The following ANKH variants were observed in gnomAD, a reference collection of about 807,000 sequenced individuals.
ANKH encodes the protein mineralization regulator ANKH.
Under a neutral mutation model 49.0 loss-of-function variants are expected in ANKH, and 15 were observed. The ratio of observed to expected loss-of-function variants is 0.31; its 90% CI spans 0.20 to 0.47. The LOEUF (loss-of-function observed/expected upper bound fraction) is 0.47. Ranked by LOEUF, ANKH falls within the 20% of genes least tolerant of loss-of-function variation. The pLI is 1.00. For synonymous variants in ANKH, 273 were observed against 260.0 expected (o/e 1.05, Z -0.48); for missense variants, 429 against 652.0 (o/e 0.66, Z 3.72).
chr5:14,833,428 A>G (rs1307262600), intron 1 of ANKH, among the ~76,000 whole-genome samples: 4 of 152,166 alleles, frequency 2.6e-5, no homozygotes, highest in Admixed American at 6.5e-5. Flanking sequence ...TTAGTCTCCT[A>G]CCCTGCAGAG....
rs1345430802 is a variant in ANKH at position 14,737,874 on chromosome 5, A to T, written c.1011+3953T>A. Among the ~76,000 whole-genome samples the T allele has an allele frequency of 6.6e-6, 1 of 152,196 alleles. No homozygotes were observed. The highest frequency in any genetic ancestry group is 1.5e-5 in the Non-Finnish European group (1 of 68,040). On this transcript the variant is annotated intron_variant, in intron 8 of 11. Coordinates refer to ENST00000284268, the MANE Select transcript of ANKH (RefSeq NM_054027.6). This position sits in a 1 kb window ranked among gnomAD's most constrained non-coding sequence, Gnocchi z 5.0. ...TACTGTTTTGAAGCCAATCTTTTGG[A>T]TCAACTAAAGGTACCCCCTTTCTCA...
intron 1 of ANKH, among the ~76,000 whole-genome samples, chr5:14,817,803 G>C (rs1412944892): frequency 6.6e-6 from 1 of 152,190 alleles, no homozygotes; most frequent in Admixed American, 6.5e-5. Flanking sequence ...CTATAAGAGA[G>C]GGTTAACAAT....
intron 1 of ANKH, among the ~76,000 whole-genome samples, chr5:14,858,726 T>C (rs1444312222): frequency 1.1e-5 from 1 of 93,202 alleles, no homozygotes; most frequent in Non-Finnish European, 2.2e-5. Context: ...AATAAATAAA[T>C]AAATAAATAA....
rs181016994 is a variant in ANKH at position 14,846,900 on chromosome 5, C to T, written c.96+24452G>A. ...TTATGCACCTGTAGTCCCAGCTACT[C>T]GGGAGGCTGAGGCAGGAGAATTGCT... On this transcript the variant is annotated intron_variant, in intron 1 of 11. Coordinates refer to ENST00000284268, the MANE Select transcript of ANKH (RefSeq NM_054027.6). 1.8e-4 allele frequency among the ~76,000 whole-genome samples: 27 copies of T among 150,466 alleles called. No individual in the cohort carries two copies. The East Asian group carries it at 5.0e-3, about 28-fold the overall frequency.
At chr5:14,772,096 C>A (rs1739465599) in intron 1 of ANKH, among the ~76,000 whole-genome samples, 1 of 151,958 alleles carries the variant, frequency 6.6e-6, no homozygotes, top group African/African-American at 2.4e-5. Flanking sequence ...TGTTACACTT[C>A]AAGTTATTCC....
intron 1 of ANKH, among the ~76,000 whole-genome samples, chr5:14,866,743 C>T (rs775610678): frequency 9.9e-5 from 15 of 152,074 alleles, no homozygotes; most frequent in Non-Finnish European, 2.1e-4. Flanking sequence ...GCTATGCCAA[C>T]CTTGTTAAAA....
intron 1 of ANKH, chr5:14,871,116 C>T: frequency 1.5e-6 from 1 of 647,102 alleles, no homozygotes; most frequent in Non-Finnish European, 2.9e-6. Flanking sequence ...TGAAGCTTCA[C>T]ACCATCCAGT....
At chr5:14,797,342 T>C in intron 1 of ANKH, 3 of 1,606,466 alleles carry the variant, frequency 1.9e-6, no homozygotes, top group Non-Finnish European at 2.6e-6. Flanking sequence ...CTGGGGATTG[T>C]TCCTCTCCAA....
intron 11 of ANKH, among the ~76,000 whole-genome samples, chr5:14,712,036 A>AC (rs1336216217): frequency 1.3e-5 from 2 of 152,318 alleles, no homozygotes; most frequent in Admixed American, 6.5e-5. Context: ...TCCTCAGCTT[A>AC]CATGACATGC....
chr5:14,847,579 C>T (rs1742001770), intron 1 of ANKH, among the ~76,000 whole-genome samples: 1 of 152,190 alleles, frequency 6.6e-6, no homozygotes, highest in African/African-American at 2.4e-5. Context: ...TAGCTGTCCT[C>T]TGGATTAGTA....
intron 1 of ANKH, among the ~76,000 whole-genome samples, chr5:14,820,769 A>T (rs562928003): frequency 6.6e-6 from 1 of 152,352 alleles, no homozygotes; most frequent in East Asian, 1.9e-4. Context: ...TTGGTAAAGG[A>T]GAGAATTTTT....
intron 1 of ANKH, among the ~76,000 whole-genome samples, chr5:14,839,223 T>G (rs181799820): frequency 6.6e-6 from 1 of 152,344 alleles, no homozygotes; most frequent in East Asian, 1.9e-4. Flanking sequence ...CTTGAATCCT[T>G]GGATTTAAAC....
At chr5:14,720,798 T>C (rs1377580347) in intron 8 of ANKH, among the ~76,000 whole-genome samples, 1 of 152,250 alleles carries the variant, frequency 6.6e-6, no homozygotes, top group Non-Finnish European at 1.5e-5. Context: ...GAATGTGAGA[T>C]AATGCCTCAC....
intron 1 of ANKH, chr5:14,798,251 A>G: frequency 6.2e-7 from 1 of 1,605,358 alleles, no homozygotes; most frequent in Non-Finnish European, 8.5e-7. Flanking sequence ...TTACATCTGG[A>G]AGCCACTGGG....
chr5:14,812,813 C>T (rs867048331), intron 1 of ANKH, among the ~76,000 whole-genome samples: 3 of 152,114 alleles, frequency 2.0e-5, no homozygotes, highest in Non-Finnish European at 2.9e-5. Flanking sequence ...AGGAAACGAT[C>T]GAAAGACAAT....
intron 8 of ANKH, among the ~76,000 whole-genome samples, chr5:14,738,843 T>C (rs1345647151): frequency 6.6e-6 from 1 of 152,020 alleles, no homozygotes; most frequent in Non-Finnish European, 1.5e-5. Context: ...TGAGCATAAA[T>C]GAGAAGATTG....
At chr5:14,867,617 T>C (rs1482099130) in intron 1 of ANKH, among the ~76,000 whole-genome samples, 1 of 152,070 alleles carries the variant, frequency 6.6e-6, no homozygotes, top group African/African-American at 2.4e-5. Flanking sequence ...CGGACTGCAG[T>C]GGCGCAATCT....
intron 2 of ANKH, among the ~76,000 whole-genome samples, chr5:14,763,446 G>A (rs527554040): frequency 8.5e-5 from 13 of 152,168 alleles, no homozygotes; most frequent in Admixed American, 3.3e-4. Flanking sequence ...GCTGTGAAGA[G>A]GACAGTTTCC....
chr5:14,806,277 CA>C (rs1470821241), intron 1 of ANKH, among the ~76,000 whole-genome samples: 2 of 151,148 alleles, frequency 1.3e-5, no homozygotes, highest in African/African-American at 2.4e-5. Flanking sequence ...CTCAACCCCC[CA>C]AAAAAACTCG....
Sources: allele counts gnomAD v4.1 joint callset (sites outside exome capture counted in the v4.1 genomes callset), GRCh38; gene constraint gnomAD v4.1.1; non-coding constraint Gnocchi (gnomAD v3.1); transcripts MANE v1.5; gene names NCBI Gene and HGNC (gene_info 2026-07-23, HGNC 2026-07-21).